CHD7: variants seen among roughly 807,000 people sequenced by gnomAD.
The protein encoded by CHD7 is chromodomain helicase DNA binding protein 7.
CHD7 carries 24 observed loss-of-function variants against 307.3 expected under a neutral mutation model. That is an observed-to-expected ratio of 0.08 (90% CI 0.06 to 0.11). The LOEUF is 0.11. Ranked by LOEUF, CHD7 falls within the 10% of genes least tolerant of loss-of-function variation. The pLI, the probability that CHD7 is intolerant of heterozygous loss-of-function variation, is 1.00. For synonymous variants in CHD7, 1,363 were observed against 1,349.9 expected, an observed-to-expected ratio of 1.01 and a Z score of -0.21; for missense variants, 3,106 against 3,727.1, an observed-to-expected ratio of 0.83 and a Z score of 4.34.
At chr8:60,768,769 A>G (rs1255563570) in intron 2 of CHD7, among the ~76,000 whole-genome samples, 1 of 152,178 alleles carries the variant, frequency 6.6e-6, no homozygotes, top group Non-Finnish European at 1.5e-5. Flanking sequence ...ATATCAGACG[A>G]CTATTACATT....
At chr8:60,759,350 T>C (rs1260391065) in intron 2 of CHD7, among the ~76,000 whole-genome samples, 1 of 152,056 alleles carries the variant, frequency 6.6e-6, no homozygotes, top group African/African-American at 2.4e-5. Context: ...AAACCTATTG[T>C]TTCTGATGCT....
chr8:60,856,339 A>T, intron 33 of CHD7, 106 bp from the exon 34 acceptor site: 1 of 1,275,864 alleles, frequency 7.8e-7, no homozygotes, highest in Non-Finnish European at 1.1e-6. Flanking sequence ...ACCAGTCATG[A>T]ATGCTTAATT....
chr8:60,859,852 A>G (rs1028937469), intron 34 of CHD7, among the ~76,000 whole-genome samples: 6 of 152,202 alleles, frequency 3.9e-5, no homozygotes, highest in African/African-American at 1.4e-4. Context: ...ATAGGGATGC[A>G]ATTATTGAAA....
At chr8:60,804,018 G>C (rs768491521) in intron 6 of CHD7, among the ~76,000 whole-genome samples, 5 of 152,186 alleles carry the variant, frequency 3.3e-5, no homozygotes, top group Non-Finnish European at 7.3e-5. Flanking sequence ...TTCAAAGTCA[G>C]TTGACCTCAT....
At chr8:60,829,211 G>A (rs535028506) in intron 14 of CHD7, among the ~76,000 whole-genome samples, 3 of 152,310 alleles carry the variant, frequency 2.0e-5, no homozygotes, top group South Asian at 2.1e-4. Flanking sequence ...CAGCCACACC[G>A]CTTACTTCTT....
intron 21 of CHD7, among the ~76,000 whole-genome samples, chr8:60,842,784 G>T (rs981159295): frequency 2.0e-5 from 3 of 152,204 alleles, no homozygotes; most frequent in Non-Finnish European, 4.4e-5. Context: ...ATTAGTTTCA[G>T]AGTAAACACA....
intron 2 of CHD7, among the ~76,000 whole-genome samples, chr8:60,759,250 G>A (rs1234223817): frequency 6.6e-6 from 1 of 152,148 alleles, no homozygotes; most frequent in Non-Finnish European, 1.5e-5. Context: ...CTGGGGTGCT[G>A]GCCACCACTG....
Position 60,716,081 on chromosome 8 carries a change from T to C in CHD7, c.-174-25178T>C, listed in dbSNP as rs142629730. Among the ~76,000 whole-genome samples the C allele has an allele frequency of 4.8e-4, 73 of 152,322 alleles. No homozygotes were observed. The East Asian group carries it at 0.01, about 21-fold the overall frequency. On this transcript the variant is annotated intron_variant, in intron 1 of 37. Transcript: ENST00000423902. ...CTCCTTGACTCTTTCACAAGCTACATTGAATTTGTTCTCAAAGCCTCTGGC... is the reference window on the plus strand; with the variant it reads ...CTCCTTGACTCTTTCACAAGCTACACTGAATTTGTTCTCAAAGCCTCTGGC...
intron 23 of CHD7, among the ~76,000 whole-genome samples, chr8:60,846,607 C>T (rs550188347): frequency 1.3e-5 from 2 of 152,336 alleles, no homozygotes; most frequent in African/African-American, 4.8e-5. Context: ...CAGTAGACCT[C>T]GGCAGCAAGA....
intron 1 of CHD7, among the ~76,000 whole-genome samples, chr8:60,713,352 C>T (rs1032054219): frequency 5.3e-5 from 8 of 152,048 alleles, no homozygotes; most frequent in African/African-American, 1.2e-4. Flanking sequence ...CCTCGTGACC[C>T]GCCTGCGTTG....
intron 2 of CHD7, among the ~76,000 whole-genome samples, chr8:60,773,899 C>G (rs1810827732): frequency 6.6e-6 from 1 of 152,178 alleles, no homozygotes; most frequent in African/African-American, 2.4e-5. Flanking sequence ...TTCTCTACAG[C>G]TTTAGTTCGG....
In CHD7 at chr8:60,742,921, C is replaced by G; in HGVS notation, c.1489C>G (p.Pro497Ala). Residue 497 changes from proline to alanine, a missense_variant, in exon 2 of 38, where the codon CCT becomes GCT. Physicochemically the swap from Pro to Ala is conservative, Grantham distance 27. Coordinates refer to ENST00000423902, the MANE Select transcript of CHD7 (RefSeq NM_017780.4). ...ACAAGCAATCCAGGAACGACTGATACCTGGCCAACAACATCCTGGTCAACA... is the reference window on the plus strand; with the variant it reads ...ACAAGCAATCCAGGAACGACTGATAGCTGGCCAACAACATCCTGGTCAACA... Reference protein sequence around the residue: ...DPQAIQERLIPGQQHPGQQPS... With the variant: ...DPQAIQERLIAGQQHPGQQPS... The G allele has an allele frequency of 6.2e-7, 1 of 1,613,032 alleles. No homozygotes were observed. The highest frequency in any genetic ancestry group is 8.5e-7 in the Non-Finnish European group (1 of 1,179,446).
chr8:60,753,068 A>T (rs987258418), intron 2 of CHD7, among the ~76,000 whole-genome samples: 10 of 152,236 alleles, frequency 6.6e-5, no homozygotes, highest in Non-Finnish European at 1.5e-5. Context: ...TATGTCAGAG[A>T]CATTTCCCTG....
rs185697338 is a variant in CHD7 at position 60,840,769 on chromosome 8, C to T, written c.4534-875C>T. On this transcript the variant is annotated intron_variant, in intron 19 of 37. Transcript: ENST00000423902. ...AGTAGCTGGGATTACAGGTGTGCACCACCATGCCTGGCTAATTTTTGCATT... is the reference window on the plus strand; with the variant it reads ...AGTAGCTGGGATTACAGGTGTGCACTACCATGCCTGGCTAATTTTTGCATT... Among the ~76,000 whole-genome samples the T allele has an allele frequency of 6.4e-4, 97 of 152,162 alleles. 1 individual carries two copies. The highest frequency in any genetic ancestry group is 3.4e-3 in the Middle Eastern group (1 of 294).
In CHD7 at chr8:60,693,466, C is replaced by T. The variant is rs554184871; in HGVS notation, c.-175+14384C>T. ...CTGGCAGGGCTTGTGGGGTGCCTTC[C>T]ACAGGCAAGACCTCTGTTGCTGCTG... On this transcript the variant is annotated intron_variant, in intron 1 of 37. Transcript: ENST00000423902. Among the ~76,000 whole-genome samples the T allele has an allele frequency of 2.8e-4, 43 of 152,312 alleles. No homozygotes were observed. The South Asian group carries it at 8.1e-3, about 29-fold the overall frequency.
At chr8:60,700,569 T>G (rs1806711880) in intron 1 of CHD7, among the ~76,000 whole-genome samples, 1 of 152,244 alleles carries the variant, frequency 6.6e-6, no homozygotes, top group South Asian at 2.1e-4. Context: ...TAGCAACTAT[T>G]ACGTTGCTCA....
chr8:60,855,746 T>C (rs1174972962), intron 32 of CHD7, among the ~76,000 whole-genome samples: 1 of 152,240 alleles, frequency 6.6e-6, no homozygotes, highest in East Asian at 1.9e-4. Context: ...AAAAATAGCA[T>C]GTTTTCTGTG....
intron 7 of CHD7, among the ~76,000 whole-genome samples, chr8:60,816,133 C>G (rs1055877385): frequency 2.6e-4 from 40 of 151,816 alleles, no homozygotes; most frequent in South Asian, 1.5e-3. Flanking sequence ...CTCTCTCTCT[C>G]TCTCTCTCTC....
intron 1 of CHD7, among the ~76,000 whole-genome samples, chr8:60,690,472 TTAAAAAAAA>T (rs1433170406): frequency 3.3e-5 from 5 of 152,026 alleles, no homozygotes; most frequent in South Asian, 2.1e-4. Context: ...TTCCCACTTA[TTAAAAAAAA>T]TAAAAAAAAT....
Sources: gnomAD v4.1 joint callset for allele counts (sites outside exome capture counted in the v4.1 genomes callset) on GRCh38, gnomAD v4.1.1 for gene constraint, MANE v1.5 for transcripts, NCBI Gene and HGNC (gene_info 2026-07-23, HGNC 2026-07-21) for gene names.